Variants in IQCM observed in about 807,000 individuals in gnomAD.
The protein encoded by IQCM is IQ motif containing M.
Under a neutral mutation model 57.6 loss-of-function variants are expected in IQCM, and 45 were observed. The ratio of observed to expected loss-of-function variants is 0.78; its 90% CI spans 0.62 to 1.00. The LOEUF is 1.00. Ranked by LOEUF, IQCM falls within the 50% of genes least tolerant of loss-of-function variation. IQCM has a pLI of 0.00. For synonymous variants in IQCM, 148 were observed against 158.9 expected, an observed-to-expected ratio of 0.93 and a Z score of 0.51; for missense variants, 468 against 511.6, an observed-to-expected ratio of 0.91 and a Z score of 0.82.
chr4:149,717,985 G>T (rs1221424244), intron 5 of IQCM, among the ~76,000 whole-genome samples: 1 of 152,188 alleles, frequency 6.6e-6, no homozygotes, highest in African/African-American at 2.4e-5. Flanking sequence ...ATAGGAATTT[G>T]TATCCATGGG....
At chr4:149,485,603 C>A (rs1022627471) in intron 12 of IQCM, among the ~76,000 whole-genome samples, 10 of 151,998 alleles carry the variant, frequency 6.6e-5, no homozygotes, top group Non-Finnish European at 1.5e-4. Context: ...TGACAGAATT[C>A]TGAATTCATT....
chr4:149,661,741 A>G (rs1760236087), intron 7 of IQCM, among the ~76,000 whole-genome samples: 1 of 152,120 alleles, frequency 6.6e-6, no homozygotes, highest in South Asian at 2.1e-4. Context: ...GTTGAGGTAT[A>G]GTTGTTCACA....
intron 7 of IQCM, among the ~76,000 whole-genome samples, chr4:149,631,960 C>G (rs2150095298): frequency 6.6e-6 from 1 of 152,326 alleles, no homozygotes; most frequent in South Asian, 2.1e-4. Context: ...GGCTCAAACT[C>G]TACCCAGTTT....
At chr4:149,779,261 C>T (rs972698362) in intron 2 of IQCM, among the ~76,000 whole-genome samples, 23 of 152,060 alleles carry the variant, frequency 1.5e-4, no homozygotes, top group African/African-American at 4.8e-4. Flanking sequence ...TAGATACAGA[C>T]AAGATTATTC....
chr4:149,604,276 A>G lies in IQCM; in HGVS notation c.682-16279T>C, dbSNP rs552316398. The stretch of plus-strand genomic sequence containing the variant: ...ATTTTCAGAATTCTTACATATGTGT[A>G]GGCCCAAGAGTTTCAAATAAAGGAT... On this transcript the variant is annotated intron_variant, in intron 8 of 13. Transcript: ENST00000636793. 4.0e-4 allele frequency among the ~76,000 whole-genome samples: 61 copies of G among 152,256 alleles called. 2 individuals carry two copies. Among genetic ancestry groups the G allele is most frequent in the African/African-American group, 1.4e-3 (58 of 41,568 alleles).
rs185251728 is a variant in IQCM, at chr4:149,404,568, G to T, written c.1390+28828C>A. On this transcript the variant is annotated intron_variant, in intron 13 of 13. Coordinates refer to ENST00000636793, the MANE Select transcript of IQCM (RefSeq NM_001363507.2). ...AATACAGAGCTAGAAGACAATATCAGAAATGCTCTATAGGAAAGGTGGTGT... is the reference window on the plus strand; with the variant it reads ...AATACAGAGCTAGAAGACAATATCATAAATGCTCTATAGGAAAGGTGGTGT... 1.9e-3 allele frequency among the ~76,000 whole-genome samples: 292 copies of T among 152,158 alleles called. 1 individual carries two copies. The highest frequency in any genetic ancestry group is 3.4e-3 in the Middle Eastern group (1 of 294).
chr4:149,695,894 G>T (rs1044164546), intron 5 of IQCM, among the ~76,000 whole-genome samples: 1 of 152,132 alleles, frequency 6.6e-6, no homozygotes, highest in African/African-American at 2.4e-5. Flanking sequence ...AGGGAAGCGG[G>T]CTGAGATTTG....
chr4:149,389,561 A>C (rs1484053496), intron 13 of IQCM, among the ~76,000 whole-genome samples: 1 of 151,822 alleles, frequency 6.6e-6, no homozygotes, highest in Non-Finnish European at 1.5e-5. Flanking sequence ...CTTTGTAGGG[A>C]CATGGATGAA....
At chr4:149,562,455 T>C (rs540262622) in intron 10 of IQCM, among the ~76,000 whole-genome samples, 2 of 152,298 alleles carry the variant, frequency 1.3e-5, no homozygotes, top group Admixed American at 1.3e-4. Context: ...AGTTTATCAA[T>C]ATAGATAGTT....
intron 13 of IQCM, among the ~76,000 whole-genome samples, chr4:149,401,402 AAG>A (rs895468346): frequency 2.0e-5 from 3 of 151,622 alleles, no homozygotes; most frequent in African/African-American, 7.2e-5. Flanking sequence ...AACACTTCTA[AAG>A]AGAGAGAGAG....
chr4:149,536,263 A>G (rs191501469), intron 12 of IQCM, among the ~76,000 whole-genome samples: 76 of 152,176 alleles, frequency 5.0e-4, no homozygotes, highest in African/African-American at 1.8e-3. Context: ...ATAGAATCCC[A>G]TGGGGAAAAG....
chr4:149,434,641 T>A (rs1457494631), intron 12 of IQCM, among the ~76,000 whole-genome samples: 1 of 152,110 alleles, frequency 6.6e-6, no homozygotes, highest in African/African-American at 2.4e-5. Context: ...CAGGTATCCA[T>A]CTATTGCCTC....
At position 149,815,758 on chromosome 4, in the gene IQCM, T is replaced by A. The variant is rs1775000331; in HGVS notation, c.-245A>T. 1 of 151,966 alleles carries A rather than the reference T, an allele frequency of 6.6e-6. No homozygotes were observed. Among genetic ancestry groups the A allele is most frequent in the Non-Finnish European group, 1.5e-5 (1 of 67,900 alleles). 9.4% of individuals were successfully genotyped at this position (151,966 alleles called of 1,614,324 possible). ...ATTTCTTTAAATTTTTAAGACCAATTCAAAATAGGTAATGAATATTTCAAA... is the reference window on the plus strand; with the variant it reads ...ATTTCTTTAAATTTTTAAGACCAATACAAAATAGGTAATGAATATTTCAAA... On this transcript the variant is annotated 5_prime_UTR_variant, in exon 1 of 14. Coordinates refer to ENST00000636793, the MANE Select transcript of IQCM (RefSeq NM_001363507.2).
intron 7 of IQCM, among the ~76,000 whole-genome samples, chr4:149,644,720 T>G (rs1275567339): frequency 6.6e-6 from 1 of 152,186 alleles, no homozygotes; most frequent in East Asian, 1.9e-4. Flanking sequence ...TAGCAGAACC[T>G]TCAACATGTG....
chr4:149,514,033 C>A (rs756723257), intron 12 of IQCM, among the ~76,000 whole-genome samples: 2 of 151,950 alleles, frequency 1.3e-5, no homozygotes, highest in Non-Finnish European at 2.9e-5. Flanking sequence ...ATGTGTCACT[C>A]AAATATATCT....
intron 7 of IQCM, among the ~76,000 whole-genome samples, chr4:149,644,838 G>A (rs920261708): frequency 2.0e-5 from 3 of 152,106 alleles, no homozygotes; most frequent in Non-Finnish European, 2.9e-5. Context: ...TGAATAGTAC[G>A]CAGAGAGAAA....
intron 5 of IQCM, among the ~76,000 whole-genome samples, chr4:149,720,630 T>C (rs1470412472): frequency 1.3e-5 from 2 of 152,190 alleles, no homozygotes; most frequent in Non-Finnish European, 2.9e-5. Context: ...ATTTAAGAAT[T>C]CTGTTTAGGT....
intron 13 of IQCM, among the ~76,000 whole-genome samples, chr4:149,398,107 G>C (rs1005335103): frequency 2.0e-5 from 3 of 151,902 alleles, no homozygotes; most frequent in African/African-American, 7.2e-5. Flanking sequence ...TCATTGTTTT[G>C]AATATGGTTA....
intron 13 of IQCM, among the ~76,000 whole-genome samples, chr4:149,408,895 T>G (rs1034456733): frequency 2.0e-5 from 3 of 152,146 alleles, no homozygotes; most frequent in African/African-American, 4.8e-5. Flanking sequence ...ACGTGTTTTT[T>G]TATGTCATTC....
Sources: allele counts gnomAD v4.1 joint callset (sites outside exome capture counted in the v4.1 genomes callset), GRCh38; gene constraint gnomAD v4.1.1; transcripts MANE v1.5; gene names NCBI Gene and HGNC (gene_info 2026-07-23, HGNC 2026-07-21).